FBXL17: variants seen among roughly 807,000 people sequenced by gnomAD.
The protein encoded by FBXL17 is F-box/LRR-repeat protein 17.
A neutral mutation model predicts 66.2 loss-of-function variants in FBXL17; 22 were observed. The ratio of observed to expected loss-of-function variants is 0.33; its 90% CI spans 0.24 to 0.47. FBXL17 has a LOEUF of 0.47. Ranked by LOEUF, FBXL17 falls within the 20% of genes least tolerant of loss-of-function variation. The pLI, the probability that FBXL17 is intolerant of heterozygous loss-of-function variation, is 1.00. For missense variants in FBXL17, 878 were observed against 948.2 expected (o/e 0.93, Z 0.97); for synonymous variants, 474 against 400.5 (o/e 1.18, Z -2.19).
chr5:108,253,639 G>A (rs1756454021), intron 4 of FBXL17, among the ~76,000 whole-genome samples: 1 of 152,070 alleles, frequency 6.6e-6, no homozygotes. Context: ...AACCATCAGG[G>A]ATAATTAGAA....
Position 107,881,144 on chromosome 5 carries a change from C to G in FBXL17, c.1858G>C (p.Glu620Gln), listed in dbSNP as rs138920342. 9.3e-6 allele frequency: 15 copies of G among 1,613,250 alleles called. No individual in the cohort carries two copies. The highest frequency in any genetic ancestry group is 3.4e-6 in the Non-Finnish European group (4 of 1,179,484). The change falls in exon 8 of 9, where the codon GAG becomes CAG. Residue 620 changes from glutamate (E) to glutamine (Q), a missense_variant. Glu to Gln is a conservative substitution (Grantham distance 29). This residue lies in a region of FBXL17 where 236 missense variants were observed against 389.1 expected (regional missense o/e 0.61). Coordinates refer to ENST00000542267, the MANE Select transcript of FBXL17 (RefSeq NM_001163315.3). ...IAIGRYSMTI[E>Q]TVDVGWCKEI... is the part of the protein sequence containing the mutation. ...TTACACCATCCGACATCCACAGTCT[C>G]TATTGTCATGCTGTATCGCCCAATG...
chr5:107,871,575 G>T (rs1050947150), intron 8 of FBXL17, among the ~76,000 whole-genome samples: 8 of 152,094 alleles, frequency 5.3e-5, no homozygotes, highest in Non-Finnish European at 1.2e-4. Flanking sequence ...TGTGTTGGCC[G>T]CTCTAAGGCC....
At chr5:108,120,317 A>G (rs1434319933) in intron 6 of FBXL17, among the ~76,000 whole-genome samples, 1 of 152,202 alleles carries the variant, frequency 6.6e-6, no homozygotes, top group Admixed American at 6.5e-5. Flanking sequence ...ATTGTGTTTA[A>G]TCTCACCTTT....
chr5:107,893,007 G>C (rs952832586), intron 7 of FBXL17, among the ~76,000 whole-genome samples: 1 of 152,026 alleles, frequency 6.6e-6, no homozygotes. Flanking sequence ...TTCCCAGTTT[G>C]CTGTCTAATA....
intron 5 of FBXL17, among the ~76,000 whole-genome samples, chr5:108,222,175 T>C: frequency 6.6e-6 from 1 of 152,240 alleles, no homozygotes; most frequent in East Asian, 1.9e-4. Flanking sequence ...TAAGTACCAG[T>C]GTACCATAAT....
chr5:108,224,334 C>A, intron 4 of FBXL17, 106 bp from the exon 5 acceptor site: 1 of 524,380 alleles, frequency 1.9e-6, no homozygotes, highest in Non-Finnish European at 3.5e-6. Flanking sequence ...TTACTATTTC[C>A]TGCCCTGTTA....
chr5:108,240,166 T>G (rs988637417), intron 4 of FBXL17, among the ~76,000 whole-genome samples: 5 of 152,114 alleles, frequency 3.3e-5, no homozygotes, highest in African/African-American at 9.7e-5. Flanking sequence ...AAACTCCTTC[T>G]ACTTGAGAAA....
At chr5:107,988,672 A>G (rs1436703707) in intron 7 of FBXL17, among the ~76,000 whole-genome samples, 2 of 152,066 alleles carry the variant, frequency 1.3e-5, no homozygotes, top group East Asian at 1.9e-4. Flanking sequence ...TAAATGTAAA[A>G]CTCTTGCTTA....
At chr5:108,104,194 C>T (rs542548284) in intron 6 of FBXL17, among the ~76,000 whole-genome samples, 120 of 152,252 alleles carry the variant, frequency 7.9e-4, no homozygotes, top group African/African-American at 2.7e-3. Flanking sequence ...CGCACCCACG[C>T]CTGGATAATT....
intron 7 of FBXL17, among the ~76,000 whole-genome samples, chr5:107,893,676 A>G (rs1388496207): frequency 2.0e-5 from 3 of 152,158 alleles, no homozygotes; most frequent in Admixed American, 6.6e-5. Flanking sequence ...AATGTCACCA[A>G]GTGATTTTGA....
At chr5:108,212,130 T>G (rs1754402141) in intron 5 of FBXL17, among the ~76,000 whole-genome samples, 1 of 152,164 alleles carries the variant, frequency 6.6e-6, no homozygotes, top group African/African-American at 2.4e-5. Context: ...TATTGAAACT[T>G]GCGTATGCTT....
intron 8 of FBXL17, among the ~76,000 whole-genome samples, chr5:107,871,057 C>CAAAAAAAAAAAAAAAAAAAAAAAAAAA: frequency 3.0e-5 from 2 of 65,896 alleles, no homozygotes; most frequent in South Asian, 4.8e-4. Flanking sequence ...TCTTGGGCGG[C>CAAAAAAAAAAAAAAAAAAAAAAAAAAA]AAAAAAAAAA....
At chr5:108,140,435 C>T (rs1751307005) in intron 6 of FBXL17, among the ~76,000 whole-genome samples, 1 of 152,208 alleles carries the variant, frequency 6.6e-6, no homozygotes, top group Non-Finnish European at 1.5e-5. Flanking sequence ...CCTTAACCTT[C>T]ACAACTCTCT....
At chr5:108,113,853 G>A (rs1750136368) in intron 6 of FBXL17, among the ~76,000 whole-genome samples, 1 of 152,098 alleles carries the variant, frequency 6.6e-6, no homozygotes, top group Non-Finnish European at 1.5e-5. Flanking sequence ...AGTCATGCCA[G>A]GAATGAAGCT....
At chr5:108,187,466 T>C (rs1753284398) in intron 5 of FBXL17, among the ~76,000 whole-genome samples, 1 of 152,182 alleles carries the variant, frequency 6.6e-6, no homozygotes, top group Admixed American at 6.5e-5. Context: ...CCCAGTGTAA[T>C]CACTGGAGAC....
intron 7 of FBXL17, among the ~76,000 whole-genome samples, chr5:107,992,839 G>T (rs1295134931): frequency 5.9e-5 from 9 of 151,906 alleles, no homozygotes; most frequent in Admixed American, 4.6e-4. Context: ...CTATCATTTT[G>T]GTGGTTCATT....
In FBXL17 at chr5:108,285,130, T is replaced by C. The variant is rs148513051; in HGVS notation, c.1507-60902A>G. Among the ~76,000 whole-genome samples the C allele has an allele frequency of 1.2e-4, 18 of 152,044 alleles. No homozygotes were observed. In the East Asian group the frequency reaches 3.3e-3, roughly 28 times the overall value. On this transcript the variant is annotated intron_variant, in intron 4 of 8. Coordinates refer to ENST00000542267, the MANE Select transcript of FBXL17 (RefSeq NM_001163315.3). The stretch of plus-strand genomic sequence containing the variant: ...CTTTCTTTGCATATCCATAAGAAGT[T>C]TGATCATGCAACTGCAGCAATTCAG...
intron 1 of FBXL17, among the ~76,000 whole-genome samples, chr5:108,371,334 C>T (rs142178051): frequency 1.3e-5 from 2 of 152,300 alleles, no homozygotes; most frequent in African/African-American, 4.8e-5. Flanking sequence ...AAAGCAGCCC[C>T]AGTCATGCAA....
chr5:107,888,590 G>C (rs921854061), intron 7 of FBXL17, among the ~76,000 whole-genome samples: 1 of 152,164 alleles, frequency 6.6e-6, no homozygotes. Flanking sequence ...TTCCTGTTTT[G>C]AACTTTATAT....
Sources: gnomAD v4.1 joint callset for allele counts (sites outside exome capture counted in the v4.1 genomes callset) on GRCh38, gnomAD v4.1.1 for gene constraint, gnomAD v4.1.1 regional missense constraint, MANE v1.5 for transcripts, NCBI Gene and HGNC (gene_info 2026-07-23, HGNC 2026-07-21) for gene names.